Variants in YTHDC2 observed in about 807,000 individuals in gnomAD.
YTHDC2 encodes 3'-5' RNA helicase YTHDC2.
In YTHDC2, 45 loss-of-function variants were observed where a neutral mutation model predicts 174.9. The ratio of observed to expected loss-of-function variants is 0.26; its 90% confidence interval spans 0.20 to 0.33. The LOEUF is 0.33. Among genes scored for constraint, YTHDC2 ranks in the 10% least tolerant of loss-of-function variants. The pLI is 1.00. For missense variants in YTHDC2, 1,650 were observed against 1,723.7 expected (o/e 0.96, Z 0.76); for synonymous variants, 657 against 574.5 (o/e 1.14, Z -2.05).
chr5:113,537,728 G>C (rs1404956138), intron 7 of YTHDC2, among the ~76,000 whole-genome samples: 1 of 151,800 alleles, frequency 6.6e-6, no homozygotes, highest in African/African-American at 2.4e-5. Flanking sequence ...TTTATTTTCA[G>C]TTGTTCTCCA....
intron 2 of YTHDC2, among the ~76,000 whole-genome samples, chr5:113,521,530 A>G (rs1773857711): frequency 6.6e-6 from 1 of 152,144 alleles, no homozygotes; most frequent in Admixed American, 6.5e-5. Context: ...CAGGAGTTCC[A>G]GACCAGCCTG....
chr5:113,571,025 G>A (rs1777681112), intron 23 of YTHDC2, among the ~76,000 whole-genome samples: 1 of 152,196 alleles, frequency 6.6e-6, no homozygotes, highest in African/African-American at 2.4e-5. Flanking sequence ...TGTTGAATAA[G>A]AGTGATGAGA....
At chr5:113,583,486 AT>A (rs1778511369) in intron 25 of YTHDC2, 1 of 151,422 alleles carries the variant, frequency 6.6e-6, no homozygotes, top group Non-Finnish European at 1.5e-5. Context: ...TTTTTTATTT[AT>A]TTTTATATTT....
intron 23 of YTHDC2, among the ~76,000 whole-genome samples, chr5:113,572,641 G>C (rs1395034012): frequency 6.6e-6 from 1 of 152,180 alleles, no homozygotes. Context: ...TAATGAATCT[G>C]GGTGCTCCTG....
In YTHDC2 at chr5:113,553,209, G is replaced by C; in HGVS notation, c.1717G>C (p.Glu573Gln). ...TACACTGGAATTTGGAAATCTAGATGAAAGTTCTCTGGTTCAAACAAATGG... is the reference window on the plus strand; with the variant it reads ...TACACTGGAATTTGGAAATCTAGATCAAAGTTCTCTGGTTCAAACAAATGG... ...SATLEFGNLD[E>Q]SSLVQTNGSD... The change falls in exon 13 of 30, where the codon GAA (glutamate) becomes CAA (glutamine). Residue 573 changes from glutamate (E) to glutamine (Q), a missense_variant. Coordinates refer to ENST00000161863, the MANE Select transcript of YTHDC2 (RefSeq NM_022828.5). 1 of 1,251,122 alleles carries C rather than the reference G, an allele frequency of 8.0e-7. No homozygotes were observed. The highest frequency in any genetic ancestry group is 3.2e-5 in the East Asian group (1 of 31,328). The allele number at this position is 1,251,122 out of a possible 1,614,324, so 77.5% of individuals were successfully genotyped here. A position where few individuals can be genotyped will look rare whatever the true frequency, so the allele number is the denominator to read the frequency against.
At chr5:113,542,323 G>T in intron 9 of YTHDC2, 45 bp from the exon 10 acceptor site, 2 of 1,592,970 alleles carry the variant, frequency 1.3e-6, no homozygotes, top group South Asian at 1.1e-5. Context: ...GCAAGCAAAT[G>T]TTAGGTAATT....
intron 12 of YTHDC2, among the ~76,000 whole-genome samples, chr5:113,552,778 G>A (rs1347062815): frequency 2.0e-5 from 3 of 151,992 alleles, no homozygotes; most frequent in African/African-American, 4.8e-5. Flanking sequence ...ATTTCCACCA[G>A]CAATGCATGA....
chr5:113,556,675 A>G (rs780022991), intron 17 of YTHDC2, among the ~76,000 whole-genome samples: 55 of 152,336 alleles, frequency 3.6e-4, no homozygotes, highest in Admixed American at 1.2e-3. Flanking sequence ...AACATGGGCC[A>G]ATAGTCTTTC....
At chr5:113,577,467 T>C (rs533746468) in intron 23 of YTHDC2, among the ~76,000 whole-genome samples, 1 of 152,240 alleles carries the variant, frequency 6.6e-6, no homozygotes, top group Admixed American at 6.5e-5. Context: ...TCTCCCAGGC[T>C]CAAGTGATCC....
intron 3 of YTHDC2, among the ~76,000 whole-genome samples, chr5:113,526,355 T>C (rs1774237211): frequency 1.2e-5 from 1 of 86,750 alleles, no homozygotes; most frequent in Non-Finnish European, 2.0e-5. Context: ...CTAATTGATA[T>C]TGAAATTTTG....
At chr5:113,561,957 G>GTGTGTGTGTGTGTGTGT (rs1554099024) in intron 18 of YTHDC2, among the ~76,000 whole-genome samples, 1 of 134,872 alleles carries the variant, frequency 7.4e-6, no homozygotes, top group African/African-American at 2.9e-5. Flanking sequence ...ATTAATTGTG[G>GTGTGTGTGTGTGTGTGT]GTGTGTGTGT....
intron 7 of YTHDC2, among the ~76,000 whole-genome samples, chr5:113,536,580 C>T (rs978147206): frequency 6.6e-6 from 1 of 152,064 alleles, no homozygotes; most frequent in Non-Finnish European, 1.5e-5. Context: ...TGAAATAATA[C>T]AAAAATATAT....
At chr5:113,567,883 A>C in intron 23 of YTHDC2, 34 bp downstream of exon 23, 5 of 1,433,088 alleles carry the variant, frequency 3.5e-6, no homozygotes, top group Non-Finnish European at 4.6e-6. Context: ...ATCTATTTGA[A>C]ATGAATTTTT....
At chr5:113,579,803 G>C in intron 24 of YTHDC2, 108 bp downstream of exon 24, 1 of 1,314,114 alleles carries the variant, frequency 7.6e-7, no homozygotes. Flanking sequence ...TAGTATCAGA[G>C]AATATAACTT....
In YTHDC2 at chr5:113,594,861, C is replaced by CT. The variant is rs1779180934; in HGVS notation, c.*1390dup. 1 of 152,172 alleles carries CT rather than the reference C, an allele frequency of 6.6e-6. No individual in the cohort carries two copies. Among genetic ancestry groups the CT allele is most frequent in the African/African-American group, 2.4e-5 (1 of 41,456 alleles). 9.4% of individuals were successfully genotyped at this position (152,172 alleles called of 1,614,324 possible). A position where few individuals can be genotyped will look rare whatever the true frequency, so the allele number is the denominator to read the frequency against. ...AACATAAAATCTTGAGAACCTTCTA[C>CT]TTTCTCTGGGAAAGCATTATATAGT... On this transcript the variant is annotated 3_prime_UTR_variant, in exon 30 of 30. Coordinates refer to ENST00000161863, the MANE Select transcript of YTHDC2 (RefSeq NM_022828.5).
Position 113,568,443 on chromosome 5 carries a change from G to T in YTHDC2, c.3244+594G>T, listed in dbSNP as rs566414840. Among the ~76,000 whole-genome samples the T allele has an allele frequency of 2.6e-5, 4 of 152,132 alleles. No homozygotes were observed. The East Asian group carries it at 7.7e-4, about 29-fold the overall frequency. ...GCATAGGTAAAGGTGTGCCATGGTGGTTTGCTGCACAGATCATGACATCAT... is the reference window on the plus strand; with the variant it reads ...GCATAGGTAAAGGTGTGCCATGGTGTTTTGCTGCACAGATCATGACATCAT... On this transcript the variant is annotated intron_variant, in intron 23 of 29. Transcript: ENST00000161863.
At chr5:113,582,449 G>T (rs1007055602) in intron 25 of YTHDC2, 1 of 152,054 alleles carries the variant, frequency 6.6e-6, no homozygotes, top group African/African-American at 2.4e-5. Context: ...ATATGATAGT[G>T]GTTACAATAA....
intron 27 of YTHDC2, 133 bp downstream of exon 27, chr5:113,591,377 T>A: frequency 2.3e-6 from 2 of 859,820 alleles, no homozygotes; most frequent in Non-Finnish European, 3.7e-6. Flanking sequence ...GAATAAGGGA[T>A]ATATTGCATC....
intron 2 of YTHDC2, 139 bp downstream of exon 2, chr5:113,515,501 C>G: frequency 1.4e-6 from 1 of 697,190 alleles, no homozygotes; most frequent in South Asian, 1.9e-5. Flanking sequence ...ATAAAAGATT[C>G]AGGTCTGTAC....
Sources: allele counts gnomAD v4.1 joint callset (sites outside exome capture counted in the v4.1 genomes callset), GRCh38; gene constraint gnomAD v4.1.1; transcripts MANE v1.5; gene names NCBI Gene and HGNC (gene_info 2026-07-23, HGNC 2026-07-21).